The following EYS variants were observed in gnomAD, a reference collection of about 807,000 sequenced individuals.
EYS encodes the protein protein eyes shut homolog.
A neutral mutation model predicts 282.1 loss-of-function variants in EYS; 250 were observed. The observed-to-expected ratio is 0.89, with a 90% CI of 0.80 to 0.98. The LOEUF (loss-of-function observed/expected upper bound fraction) is 0.98. Ranked by LOEUF, EYS falls within the 50% of genes least tolerant of loss-of-function variation. The probability of loss-of-function intolerance (pLI) is 0.00; values close to 1 mark genes in which losing one functional copy is unlikely to be tolerated. For missense variants in EYS, 4,016 were observed against 3,709.0 expected (o/e 1.08, Z -2.15); for synonymous variants, 1,355 against 1,282.9 (o/e 1.06, Z -1.20).
intron 29 of EYS, among the ~76,000 whole-genome samples, chr6:64,380,714 C>A (rs1314019314): frequency 6.6e-6 from 1 of 152,042 alleles, no homozygotes; most frequent in East Asian, 1.9e-4. Flanking sequence ...ATAATACAGG[C>A]ACTTTAAAAA....
chr6:64,127,851 CTTA>C (rs979581030), intron 31 of EYS, among the ~76,000 whole-genome samples: 5 of 151,998 alleles, frequency 3.3e-5, no homozygotes, highest in Non-Finnish European at 7.4e-5. Context: ...TTTCCATATA[CTTA>C]TTATATGGGA....
At chr6:65,456,624 A>C (rs914102692) in intron 5 of EYS, among the ~76,000 whole-genome samples, 2 of 152,126 alleles carry the variant, frequency 1.3e-5, no homozygotes, top group African/African-American at 4.8e-5. Context: ...AAATAAATAC[A>C]TGTGATACAT....
chr6:65,404,851 A>G (rs1279495072), intron 6 of EYS, among the ~76,000 whole-genome samples: 1 of 151,974 alleles, frequency 6.6e-6, no homozygotes, highest in African/African-American at 2.4e-5. Flanking sequence ...CTAATGAAAT[A>G]TTTCCTACTC....
intron 28 of EYS, among the ~76,000 whole-genome samples, chr6:64,410,634 T>G (rs190106996): frequency 6.6e-6 from 1 of 152,190 alleles, no homozygotes; most frequent in Non-Finnish European, 1.5e-5. Flanking sequence ...GTTGTGTGTA[T>G]GTATTTGTGA....
rs113618859 is a variant in EYS, at chr6:64,255,942, T to C, written c.6192-25118A>G. ...GATCACATAGTTAAAAAAAAGTTCATTGGTCTTCCAAATAATTAAAATTCA... is the reference window on the plus strand; with the variant it reads ...GATCACATAGTTAAAAAAAAGTTCACTGGTCTTCCAAATAATTAAAATTCA... On this transcript the variant is annotated intron_variant, in intron 30 of 42. Coordinates refer to ENST00000503581, the MANE Select transcript of EYS (RefSeq NM_001142800.2). Among the ~76,000 whole-genome samples the C allele has an allele frequency of 9.7e-3, 1,480 of 152,082 alleles. 15 individuals are homozygous for C. The highest frequency in any genetic ancestry group is 0.027 in the African/African-American group (1,134 of 41,524).
intron 28 of EYS, among the ~76,000 whole-genome samples, chr6:64,390,736 C>T (rs1481100954): frequency 6.7e-5 from 10 of 150,372 alleles, no homozygotes; most frequent in South Asian, 2.1e-4. Context: ...TCCAAAGGAA[C>T]GCAGTTCCTC....
intron 31 of EYS, among the ~76,000 whole-genome samples, chr6:64,094,499 G>A (rs559660593): frequency 3.6e-4 from 54 of 152,004 alleles, no homozygotes; most frequent in Non-Finnish European, 2.9e-4. Context: ...TGTATGTGTC[G>A]AGGAATTTAT....
chr6:65,217,843 C>T (rs183920915), intron 12 of EYS, among the ~76,000 whole-genome samples: 8 of 152,122 alleles, frequency 5.3e-5, no homozygotes, highest in Admixed American at 5.2e-4. Flanking sequence ...ATGCTAAGGA[C>T]ACTGACATGC....
chr6:64,066,868 A>C (rs1258222538), intron 32 of EYS, among the ~76,000 whole-genome samples: 1 of 152,058 alleles, frequency 6.6e-6, no homozygotes, highest in Non-Finnish European at 1.5e-5. Flanking sequence ...TGCCATGTTG[A>C]GTTTTTAATA....
At chr6:65,164,521 T>C (rs1209844940) in intron 12 of EYS, among the ~76,000 whole-genome samples, 1 of 151,434 alleles carries the variant, frequency 6.6e-6, no homozygotes, top group African/African-American at 2.4e-5. Context: ...TTCTGATTTA[T>C]GAAATATTGT....
At chr6:65,592,229 A>G (rs1765258125) in intron 2 of EYS, among the ~76,000 whole-genome samples, 1 of 151,984 alleles carries the variant, frequency 6.6e-6, no homozygotes, top group African/African-American at 2.4e-5. Flanking sequence ...AATTATTCTA[A>G]CAGCATTCAG....
chr6:65,196,166 A>G (rs1765762013), intron 12 of EYS, among the ~76,000 whole-genome samples: 1 of 151,930 alleles, frequency 6.6e-6, no homozygotes, highest in South Asian at 2.1e-4. Context: ...TAAAGCTATT[A>G]TTTCCCAAAC....
At chr6:64,311,884 G>A (rs1224791408) in intron 29 of EYS, among the ~76,000 whole-genome samples, 1 of 152,050 alleles carries the variant, frequency 6.6e-6, no homozygotes, top group Non-Finnish European at 1.5e-5. Flanking sequence ...CGGCAGACCA[G>A]GAGACTCCCT....
At chr6:65,383,102 A>C (rs1303777579) in intron 8 of EYS, among the ~76,000 whole-genome samples, 1 of 152,068 alleles carries the variant, frequency 6.6e-6, no homozygotes, top group African/African-American at 2.4e-5. Flanking sequence ...GTTTCATATC[A>C]GTTTTATAAT....
rs115832017 is a variant in EYS at position 65,328,973 on chromosome 6, C to A, written c.1766+6007G>T. Among the ~76,000 whole-genome samples the A allele has an allele frequency of 9.9e-3, 1,490 of 151,160 alleles. 30 individuals are homozygous for A. The highest frequency in any genetic ancestry group is 0.034 in the African/African-American group (1,399 of 41,444). On this transcript the variant is annotated intron_variant, in intron 11 of 42. Transcript: ENST00000503581. Reference sequence around the variant, plus strand: ...TTTAAAGATTCTGCATAAAAGGCTGCATGAAACTCCAAGTCTTAGAAAATA... The same window carrying A: ...TTTAAAGATTCTGCATAAAAGGCTGAATGAAACTCCAAGTCTTAGAAAATA...
rs756928376 is a variant in EYS at position 65,495,116 on chromosome 6, G to A, written c.295C>T (p.Pro99Ser). 2 of 1,614,130 alleles carry A rather than the reference G, an allele frequency of 1.2e-6. No individual in the cohort carries two copies. The highest frequency in any genetic ancestry group is 2.2e-5 in the South Asian group (2 of 91,080). The change falls in exon 4 of 43, where the codon CCA becomes TCA. Residue 99 changes from proline (P) to serine (S), a missense_variant. Physicochemically the swap from Pro to Ser is moderately conservative, Grantham distance 74. Coordinates refer to ENST00000503581, the MANE Select transcript of EYS (RefSeq NM_001142800.2). Reference sequence around the variant, plus strand: ...GAAACATTCATCAAATTTATTTCTGGAAATTGAAGAGATGGTTCAGAAGAA... The same window carrying A: ...GAAACATTCATCAAATTTATTTCTGAAAATTGAAGAGATGGTTCAGAAGAA... The part of the protein sequence containing the change: ...VISSEPSLQF[P>S]EINLMNVSET...
At chr6:65,007,629 C>T (rs1323636064) in intron 13 of EYS, among the ~76,000 whole-genome samples, 1 of 152,014 alleles carries the variant, frequency 6.6e-6, no homozygotes, top group Non-Finnish European at 1.5e-5. Context: ...CCCCAGTGTC[C>T]CCCTAACTCT....
intron 13 of EYS, among the ~76,000 whole-genome samples, 177 bp from the exon 14 acceptor site, chr6:64,997,880 T>G (rs1052969772): frequency 6.6e-6 from 1 of 152,186 alleles, no homozygotes; most frequent in South Asian, 2.1e-4. Flanking sequence ...ATAACCATCT[T>G]ATTCAGTTCT....
chr6:64,316,119 T>C (rs1769950620), intron 29 of EYS, among the ~76,000 whole-genome samples: 1 of 152,154 alleles, frequency 6.6e-6, no homozygotes, highest in Non-Finnish European at 1.5e-5. Flanking sequence ...TCATACTGAA[T>C]GGGCAAAAAC....
Sources: gnomAD v4.1 joint callset for allele counts (sites outside exome capture counted in the v4.1 genomes callset) on GRCh38, gnomAD v4.1.1 for gene constraint, MANE v1.5 for transcripts, NCBI Gene and HGNC (gene_info 2026-07-23, HGNC 2026-07-21) for gene names.